The following MYL7 variants were observed in gnomAD, a reference collection of about 807,000 sequenced individuals.
MYL7 encodes myosin light chain 7.
In MYL7, 27 loss-of-function variants were observed where a neutral mutation model predicts 22.5. The ratio of observed to expected loss-of-function variants is 1.20; its 90% CI spans 0.89 to 1.66. MYL7 has a LOEUF of 1.66. Ranked by LOEUF, MYL7 falls within the 40% of genes most tolerant of loss-of-function variation. The pLI is 0.00. For synonymous variants in MYL7, 81 were observed against 84.4 expected (o/e 0.96, Z 0.22); for missense variants, 209 against 226.8 (o/e 0.92, Z 0.50).
chr7:44,139,284 C>A, intron 6 of MYL7: 1 of 666,106 alleles, frequency 1.5e-6, no homozygotes, highest in East Asian at 2.7e-5. Context: ...GTGTACGAAA[C>A]CTCTCCCTAT....
chr7:44,140,650 C>T, intron 3 of MYL7, 62 bp downstream of exon 3: 1 of 1,512,058 alleles, frequency 6.6e-7, no homozygotes, highest in Non-Finnish European at 8.9e-7. Context: ...CAGCCACTCC[C>T]ACCCGCCCAG....
At chr7:44,139,452 C>T (rs1453527355) in intron 6 of MYL7, 69 bp downstream of exon 6, 8 of 1,559,890 alleles carry the variant, frequency 5.1e-6, no homozygotes, top group Non-Finnish European at 7.1e-6. Context: ...TGGTACTGGG[C>T]TCTGGGTCAT....
rs2096261958 is a variant in MYL7, at chr7:44,139,016, G to C, written c.433C>G (p.Gln145Glu). Reference protein sequence around the residue: ...ADKFSPAEVEQMFALTPMDLA... With the variant: ...ADKFSPAEVEEMFALTPMDLA... ...TCCATGGGTGTCAGGGCGAACATCTGCTCCACCTGCAGGGGACACTGGTGA... is the reference window on the plus strand; with the variant it reads ...TCCATGGGTGTCAGGGCGAACATCTCCTCCACCTGCAGGGGACACTGGTGA... Residue 145 changes from glutamine (Q) to glutamate (E), a missense_variant, in exon 7 of 7, where the codon CAG (glutamine) becomes GAG (glutamate). Transcript: ENST00000223364. The C allele has an allele frequency of 1.2e-6, 2 of 1,613,892 alleles. No individual in the cohort carries two copies. Among genetic ancestry groups the C allele is most frequent in the African/African-American group, 2.7e-5 (2 of 75,048 alleles).
intron 3 of MYL7, 42 bp downstream of exon 3, chr7:44,140,670 G>A: frequency 6.4e-7 from 1 of 1,558,624 alleles, no homozygotes; most frequent in Non-Finnish European, 8.7e-7. Context: ...GCAGCTCAGA[G>A]TAGGGACCCC....
In MYL7 at chr7:44,139,824, C is replaced by A. The variant is rs772314303; in HGVS notation, c.335G>T (p.Arg112Leu). 5 of 1,611,536 alleles carry A rather than the reference C, an allele frequency of 3.1e-6. No individual in the cohort carries two copies. The highest frequency in any genetic ancestry group is 3.4e-5 in the Admixed American group (2 of 59,306). Residue 112 changes from arginine to leucine, a missense_variant, in exon 5 of 7, where the codon CGC becomes CTC. Arg to Leu is a moderately radical substitution (Grantham distance 102, BLOSUM62 -2). Transcript: ENST00000223364. ...DPEEAILSAFRMFDPSGKGVV... is the reference protein window; with the variant it reads ...DPEEAILSAFLMFDPSGKGVV... ...CCCTTTGCCGCTGGGGTCAAACATG[C>A]GGAAGGCACTCAGGATGGCTTCCTC...
chr7:44,139,420 A>T lies in MYL7; in HGVS notation c.426+101T>A, dbSNP rs763334570. The stretch of plus-strand genomic sequence containing the variant: ...CCTCCTCCAGAAGGGCCCTCGGCTC[A>T]CCCTTCCAGCAACTGCCTCACTGGT... On this transcript the variant is annotated intron_variant, in intron 6 of 6. Transcript: ENST00000223364. The T allele has an allele frequency of 5.3e-6, 7 of 1,332,986 alleles. No individual in the cohort carries two copies. The South Asian group carries it at 8.2e-5, about 16-fold the overall frequency. The allele number at this position is 1,332,986 out of a possible 1,614,324, so 82.6% of individuals were successfully genotyped here. A position where few individuals can be genotyped will look rare whatever the true frequency, so the allele number is the denominator to read the frequency against.
intron 1 of MYL7, 113 bp downstream of exon 1, chr7:44,141,190 C>T: frequency 1.3e-6 from 2 of 1,582,352 alleles, no homozygotes; most frequent in Non-Finnish European, 1.7e-6. Context: ...GGATCCTCTT[C>T]CTCTCCCTGG....
At chr7:44,139,931 G>A in intron 4 of MYL7, 71 bp from the exon 5 acceptor site, 1 of 1,391,432 alleles carries the variant, frequency 7.2e-7, no homozygotes, top group Non-Finnish European at 9.7e-7. Flanking sequence ...GAGGAACTGG[G>A]CTGCATGAGG....
In MYL7 at chr7:44,140,339, A is replaced by C. The variant is rs1370209193; in HGVS notation, c.282T>G (p.Phe94Leu). 6.2e-7 allele frequency: 1 copy of C among 1,613,838 alleles called. No homozygotes were observed. Among genetic ancestry groups the C allele is most frequent in the Non-Finnish European group, 8.5e-7 (1 of 1,179,956 alleles). ...PINFTVFLTL[F>L]GEKLNGTDPE... ...CAGGCTCACCATTGAGCTTCTCCCC[A>C]AAGAGCGTGAGGAAGACGGTGAAGT... The change falls in exon 4 of 7, where the codon TTT becomes TTG. Residue 94 changes from phenylalanine to leucine, a missense_variant. Coordinates refer to ENST00000223364, the MANE Select transcript of MYL7 (RefSeq NM_021223.3).
chr7:44,140,543 T>A, intron 3 of MYL7, 116 bp from the exon 4 acceptor site: 1 of 1,176,416 alleles, frequency 8.5e-7, no homozygotes, highest in Non-Finnish European at 1.2e-6. Flanking sequence ...CAGCTGTGGG[T>A]CGGGAAGGTG....
chr7:44,140,049 G>A (rs377013657), intron 4 of MYL7, among the ~76,000 whole-genome samples, 189 bp from the exon 5 acceptor site: 19 of 152,322 alleles, frequency 1.2e-4, no homozygotes, highest in African/African-American at 4.6e-4. Flanking sequence ...AGCTTGGCTG[G>A]GAGACTGGAA....
intron 5 of MYL7, 64 bp downstream of exon 5, chr7:44,139,718 A>G: frequency 6.3e-7 from 1 of 1,592,342 alleles, no homozygotes; most frequent in Non-Finnish European, 8.6e-7. Flanking sequence ...CCCCCTCACT[A>G]GGGGCCTCAC....
At position 44,140,668 on chromosome 7, in the gene MYL7, G is replaced by A. The variant is rs773210580; in HGVS notation, c.193+44C>T. On this transcript the variant is annotated intron_variant, in intron 3 of 6. Coordinates refer to ENST00000223364, the MANE Select transcript of MYL7 (RefSeq NM_021223.3). ...CCACTCCCACCCGCCCAGCAGCTCA[G>A]AGTAGGGACCCCAGTGCGCAGGGTG... The A allele has an allele frequency of 3.9e-5, 61 of 1,554,276 alleles. No individual in the cohort carries two copies. In the African/African-American group the frequency reaches 7.6e-4, roughly 19 times the overall value.
At chr7:44,139,392 G>T (rs768771314) in intron 6 of MYL7, 129 bp downstream of exon 6, 1 of 1,025,342 alleles carries the variant, frequency 9.8e-7, no homozygotes, top group Non-Finnish European at 1.5e-6. Flanking sequence ...AACAGAGATG[G>T]CACCTCCTCC....
rs2096263795 is a variant in MYL7, at chr7:44,140,363, G to T, written c.258C>A (p.Asn86Lys). ...AMLQEGKGPI[N>K]FTVFLTLFGE... Reference sequence around the variant, plus strand: ...CAAAGAGCGTGAGGAAGACGGTGAAGTTGATGGGGCCCTTGCCCTCTTGCA... The same window carrying T: ...CAAAGAGCGTGAGGAAGACGGTGAATTTGATGGGGCCCTTGCCCTCTTGCA... The change falls in exon 4 of 7, where the codon AAC (asparagine) becomes AAA (lysine). Residue 86 changes from asparagine to lysine, a missense_variant. Transcript: ENST00000223364. 6.2e-7 allele frequency: 1 copy of T among 1,613,946 alleles called. No individual in the cohort carries two copies. The highest frequency in any genetic ancestry group is 8.5e-7 in the Non-Finnish European group (1 of 1,180,004).
At position 44,138,964 on chromosome 7, in the gene MYL7, G is replaced by C. The variant is rs1156867939; in HGVS notation, c.485C>G (p.Ser162Ter). Residue 162 changes from serine to a stop codon, truncating the protein, a stop_gained, in exon 7 of 7, where the codon TCA (serine) becomes TGA (stop). Coordinates refer to ENST00000223364, the MANE Select transcript of MYL7 (RefSeq NM_021223.3). LOFTEE classifies it high-confidence loss of function. ...TCCATGGGTGATGATGTAGCACAGT[G>C]ACTTGTAGTCGATGTTCCCCGCCAG... ...MDLAGNIDYK[S>*]LCYIITHGDE... The C allele has an allele frequency of 6.2e-7, 1 of 1,614,042 alleles. No individual in the cohort carries two copies. Among genetic ancestry groups the C allele is most frequent in the African/African-American group, 1.3e-5 (1 of 74,922 alleles).
intron 6 of MYL7, 110 bp downstream of exon 6, chr7:44,139,411 C>T: frequency 8.1e-7 from 1 of 1,233,420 alleles, no homozygotes; most frequent in Non-Finnish European, 1.2e-6. Flanking sequence ...CCAGAAGGGC[C>T]CTCGGCTCAC....
At chr7:44,140,901 A>G in intron 2 of MYL7, 60 bp downstream of exon 2, 1 of 720,598 alleles carries the variant, frequency 1.4e-6, no homozygotes, top group Non-Finnish European at 2.0e-6. Context: ...GGGGGTATGT[A>G]TGTGGGGTGG....
chr7:44,140,847 G>T, intron 2 of MYL7, 60 bp from the exon 3 acceptor site: 3 of 1,603,938 alleles, frequency 1.9e-6, no homozygotes, highest in East Asian at 4.5e-5. Context: ...GTGGGAGGTG[G>T]GGGAGAGACC....
Sources: gnomAD v4.1 joint callset for allele counts (sites outside exome capture counted in the v4.1 genomes callset) on GRCh38, gnomAD v4.1.1 for gene constraint, MANE v1.5 for transcripts, NCBI Gene and HGNC (gene_info 2026-07-23, HGNC 2026-07-21) for gene names.